LGR6: variants seen among roughly 807,000 people sequenced by gnomAD.
LGR6 encodes leucine-rich repeat-containing G protein-coupled receptor 6.
A neutral mutation model predicts 69.4 loss-of-function variants in LGR6; 45 were observed. The ratio of observed to expected loss-of-function variants is 0.65; its 90% CI spans 0.51 to 0.83. LGR6 has a LOEUF of 0.83. Among genes scored for constraint, LGR6 ranks in the 40% least tolerant of loss-of-function variants. The pLI is 0.00. For synonymous variants in LGR6, 538 were observed against 555.0 expected, an observed-to-expected ratio of 0.97 and a Z score of 0.43; for missense variants, 1,108 against 1,246.7, an observed-to-expected ratio of 0.89 and a Z score of 1.68.
At chr1:202,284,524 G>A (rs1207022666) in intron 6 of LGR6, among the ~76,000 whole-genome samples, 1 of 152,138 alleles carries the variant, frequency 6.6e-6, no homozygotes, top group African/African-American at 2.4e-5. Flanking sequence ...CACTAGCTCC[G>A]TCAAGGTCAG....
chr1:202,213,859 T>C (rs1183086194), intron 1 of LGR6, among the ~76,000 whole-genome samples: 2 of 151,914 alleles, frequency 1.3e-5, no homozygotes, highest in African/African-American at 4.8e-5. Context: ...CCACTGAGGA[T>C]TACATTATAA....
chr1:202,222,190 AC>A (rs1660204814), intron 1 of LGR6, among the ~76,000 whole-genome samples: 1 of 151,864 alleles, frequency 6.6e-6, no homozygotes, highest in African/African-American at 2.4e-5. Context: ...CACCAGCCTT[AC>A]CCCTTTTCCT....
Position 202,198,668 on chromosome 1 carries a change from G to T in LGR6, c.212+4467G>T, listed in dbSNP as rs4101915. ...CTACTGGGAACCAGAGTAATTTTAG[G>T]TTTTTTTTTTTTTTTTTTTTTTTTT... On this transcript the variant is annotated intron_variant, in intron 1 of 17. Transcript: ENST00000367278. Among the ~76,000 whole-genome samples the T allele has an allele frequency of 1.2e-3, 155 of 127,584 alleles. 7 individuals are homozygous for T. Among genetic ancestry groups the T allele is most frequent in the East Asian group, 1.5e-3 (6 of 4,082 alleles). 83.7% of individuals were successfully genotyped at this position (127,584 alleles called of 152,430 possible).
intron 4 of LGR6, 134 bp downstream of exon 4, chr1:202,236,127 C>T (rs969984875): frequency 4.4e-5 from 30 of 687,962 alleles, no homozygotes; most frequent in Middle Eastern, 3.8e-4. Context: ...GACAGCATGC[C>T]GCTCCTGGCT....
At chr1:202,252,769 A>G (rs951644622) in intron 4 of LGR6, among the ~76,000 whole-genome samples, 9 of 152,264 alleles carry the variant, frequency 5.9e-5, no homozygotes, top group African/African-American at 2.2e-4. Context: ...TGCCCAGCCC[A>G]TGGCAGATGG....
chr1:202,264,534 G>A (rs1301408995), intron 4 of LGR6, among the ~76,000 whole-genome samples: 2 of 152,174 alleles, frequency 1.3e-5, no homozygotes, highest in African/African-American at 2.4e-5. Flanking sequence ...GACAGCCCAC[G>A]AAGGTCGCCA....
chr1:202,282,517 C>G (rs1204407943), intron 6 of LGR6, among the ~76,000 whole-genome samples: 1 of 152,136 alleles, frequency 6.6e-6, no homozygotes, highest in Non-Finnish European at 1.5e-5. Context: ...CCTGCAAAAG[C>G]CTGTGTGCCC....
intron 1 of LGR6, among the ~76,000 whole-genome samples, chr1:202,216,445 G>A (rs966094318): frequency 6.6e-6 from 1 of 152,226 alleles, no homozygotes; most frequent in African/African-American, 2.4e-5. Flanking sequence ...TGATGGATGT[G>A]TTCTAGAACT....
chr1:202,202,274 CT>C (rs1476703622), intron 1 of LGR6, among the ~76,000 whole-genome samples: 15 of 152,156 alleles, frequency 9.9e-5, no homozygotes, highest in Non-Finnish European at 1.8e-4. Flanking sequence ...CCCTTTTTCC[CT>C]CAGGGCACAC....
At chr1:202,231,127 C>G (rs904468978) in intron 3 of LGR6, among the ~76,000 whole-genome samples, 1 of 152,222 alleles carries the variant, frequency 6.6e-6, no homozygotes, top group Admixed American at 6.5e-5. Context: ...AGAGGAGTGG[C>G]TGGGAGTTAG....
intron 1 of LGR6, among the ~76,000 whole-genome samples, chr1:202,204,494 C>A (rs1571805978): frequency 9.8e-6 from 1 of 101,766 alleles, no homozygotes; most frequent in Non-Finnish European, 2.0e-5. Flanking sequence ...CACCTCCACA[C>A]ACACACCTCC....
intron 6 of LGR6, among the ~76,000 whole-genome samples, chr1:202,295,205 G>A (rs1229827907): frequency 2.0e-5 from 3 of 151,506 alleles, no homozygotes; most frequent in African/African-American, 4.8e-5. Flanking sequence ...GCACACGCCT[G>A]TAATCCCAGC....
intron 14 of LGR6, among the ~76,000 whole-genome samples, chr1:202,308,813 C>T (rs569424339): frequency 6.6e-6 from 1 of 152,292 alleles, no homozygotes; most frequent in East Asian, 1.9e-4. Flanking sequence ...ATAGTTGGCA[C>T]CGTTATGTAT....
At chr1:202,297,629 C>A in intron 7 of LGR6, 53 bp downstream of exon 7, 1 of 1,465,418 alleles carries the variant, frequency 6.8e-7, no homozygotes, top group Non-Finnish European at 9.5e-7. Flanking sequence ...AGGGCAGGGG[C>A]TGAAGCCAGC....
At chr1:202,289,860 A>T (rs1666666973) in intron 6 of LGR6, among the ~76,000 whole-genome samples, 1 of 152,134 alleles carries the variant, frequency 6.6e-6, no homozygotes, top group African/African-American at 2.4e-5. Flanking sequence ...TCTCTCCAAA[A>T]TTTCTGTGTT....
intron 1 of LGR6, among the ~76,000 whole-genome samples, chr1:202,210,126 T>C (rs1558007356): frequency 6.6e-6 from 1 of 152,160 alleles, no homozygotes; most frequent in Non-Finnish European, 1.5e-5. Flanking sequence ...GAGATGTCTC[T>C]TCCTCTGGGA....
At chr1:202,310,905 G>A (rs1031967402) in intron 16 of LGR6, among the ~76,000 whole-genome samples, 8 of 152,180 alleles carry the variant, frequency 5.3e-5, no homozygotes, top group Middle Eastern at 3.4e-3. Flanking sequence ...TGAGACTTCC[G>A]TGGCCGCCAG....
At chr1:202,264,949 T>G (rs1402324934) in intron 4 of LGR6, among the ~76,000 whole-genome samples, 2 of 152,026 alleles carry the variant, frequency 1.3e-5, no homozygotes, top group Non-Finnish European at 2.9e-5. Flanking sequence ...GGAGAACCAG[T>G]TGGAATTGCC....
chr1:202,205,586 C>T (rs1260969054), intron 1 of LGR6, among the ~76,000 whole-genome samples: 2 of 147,852 alleles, frequency 1.4e-5, no homozygotes, highest in Non-Finnish European at 3.0e-5. Flanking sequence ...ACATACACAC[C>T]CTCCTTCAAA....
Sources: allele counts gnomAD v4.1 joint callset (sites outside exome capture counted in the v4.1 genomes callset), GRCh38; gene constraint gnomAD v4.1.1; transcripts MANE v1.5; gene names NCBI Gene and HGNC (gene_info 2026-07-23, HGNC 2026-07-21).